The following PTPRG variants were observed in gnomAD, a reference collection of about 807,000 sequenced individuals.
The protein encoded by PTPRG is receptor-type tyrosine-protein phosphatase gamma.
Under a neutral mutation model 165.3 loss-of-function variants are expected in PTPRG, and 102 were observed. The ratio of observed to expected loss-of-function variants is 0.62; its 90% CI spans 0.53 to 0.73. PTPRG has a LOEUF of 0.73. Among genes scored for constraint, PTPRG ranks in the 30% least tolerant of loss-of-function variants. The probability of loss-of-function intolerance (pLI) is 0.00; values close to 1 mark genes in which losing one functional copy is unlikely to be tolerated. For synonymous variants in PTPRG, 675 were observed against 669.5 expected (o/e 1.01, Z -0.13); for missense variants, 1,866 against 1,861.4 (o/e 1.00, Z -0.05).
intron 2 of PTPRG, among the ~76,000 whole-genome samples, chr3:61,950,133 T>C (rs1442632682): frequency 6.6e-6 from 1 of 152,236 alleles, no homozygotes; most frequent in African/African-American, 2.4e-5. Flanking sequence ...TATAAAGTTT[T>C]AAAATACTTT....
At chr3:61,980,872 TC>T (rs1349769277) in intron 2 of PTPRG, among the ~76,000 whole-genome samples, 4 of 152,196 alleles carry the variant, frequency 2.6e-5, no homozygotes, top group African/African-American at 9.7e-5. Flanking sequence ...CCTTCCTTCT[TC>T]ATTCACATTC....
chr3:61,921,416 C>T (rs2039076280), intron 2 of PTPRG, among the ~76,000 whole-genome samples: 1 of 151,948 alleles, frequency 6.6e-6, no homozygotes, highest in Admixed American at 6.6e-5. Context: ...TGGTGAGTGA[C>T]ATTACAGGTT....
intron 1 of PTPRG, among the ~76,000 whole-genome samples, chr3:61,746,208 A>AATT (rs2033196249): frequency 1.2e-5 from 1 of 81,326 alleles, no homozygotes; most frequent in Non-Finnish European, 2.2e-5. Flanking sequence ...ACACACTCTA[A>AATT]TTTTTTTTTT....
intron 2 of PTPRG, among the ~76,000 whole-genome samples, chr3:61,802,633 C>G (rs952678651): frequency 7.2e-5 from 11 of 152,138 alleles, no homozygotes; most frequent in African/African-American, 2.2e-4. Context: ...TCCATTCTTT[C>G]ATTCTCAAAA....
intron 1 of PTPRG, among the ~76,000 whole-genome samples, chr3:61,701,050 G>A (rs1402678133): frequency 6.6e-6 from 1 of 152,076 alleles, no homozygotes; most frequent in Non-Finnish European, 1.5e-5. Context: ...CTATGCAGTG[G>A]GAGCTTTAAT....
chr3:61,725,383 G>A (rs2032214709), intron 1 of PTPRG, among the ~76,000 whole-genome samples: 1 of 152,106 alleles, frequency 6.6e-6, no homozygotes, highest in African/African-American at 2.4e-5. Flanking sequence ...CTCCCAAAGT[G>A]TGAGATACAC....
chr3:61,823,283 C>G (rs1027850373), intron 2 of PTPRG, among the ~76,000 whole-genome samples: 1 of 152,142 alleles, frequency 6.6e-6, no homozygotes, highest in South Asian at 2.1e-4. Context: ...CTCTACCTCC[C>G]GGGTTCAAGG....
At chr3:61,857,653 C>G (rs764845982) in intron 2 of PTPRG, among the ~76,000 whole-genome samples, 7 of 152,172 alleles carry the variant, frequency 4.6e-5, no homozygotes, top group Non-Finnish European at 5.9e-5. Flanking sequence ...TTGAGACTAC[C>G]TGACCAACAT....
In PTPRG at chr3:62,229,430, A is replaced by G. The variant is rs1302352773; in HGVS notation, c.2289-1795A>G. 6.6e-6 allele frequency among the ~76,000 whole-genome samples: 1 copy of G among 152,238 alleles called. No individual in the cohort carries two copies. Among genetic ancestry groups the G allele is most frequent in the African/African-American group, 2.4e-5 (1 of 41,460 alleles). ...GCTGTCGAATTGGCCCTGAGATGCC[A>G]GTGGAAGCTCTTGGAACAAGCTAAC... On this transcript the variant is annotated intron_variant, in intron 13 of 29. Coordinates refer to ENST00000474889, the MANE Select transcript of PTPRG (RefSeq NM_002841.4). The surrounding 1 kb of genome is among the most constrained non-coding windows in gnomAD (Gnocchi z 4.6).
At chr3:61,595,445 G>T (rs188256811) in intron 1 of PTPRG, among the ~76,000 whole-genome samples, 55 of 152,298 alleles carry the variant, frequency 3.6e-4, no homozygotes, top group African/African-American at 1.3e-3. Context: ...CTCCAAGATG[G>T]GTCAGCAGTG....
chr3:61,597,842 C>G (rs1446673687), intron 1 of PTPRG, among the ~76,000 whole-genome samples: 1 of 152,142 alleles, frequency 6.6e-6, no homozygotes, highest in Non-Finnish European at 1.5e-5. Context: ...GGACATTTTA[C>G]TAATAAGAAA....
intron 1 of PTPRG, among the ~76,000 whole-genome samples, chr3:61,644,888 A>G (rs1314254471): frequency 1.3e-5 from 2 of 152,222 alleles, no homozygotes; most frequent in Non-Finnish European, 2.9e-5. Flanking sequence ...GTCAAATCCA[A>G]CAAGAAAAGA....
At chr3:61,754,436 A>G (rs533947940) in intron 2 of PTPRG, among the ~76,000 whole-genome samples, 2 of 152,082 alleles carry the variant, frequency 1.3e-5, no homozygotes, top group Non-Finnish European at 2.9e-5. Flanking sequence ...TATAACATGC[A>G]TGTGTGTGTC....
intron 1 of PTPRG, among the ~76,000 whole-genome samples, chr3:61,577,459 G>C (rs1700194909): frequency 6.6e-6 from 1 of 152,136 alleles, no homozygotes; most frequent in South Asian, 2.1e-4. Context: ...TCTAAATTGA[G>C]ATGTGCTTCA....
intron 1 of PTPRG, among the ~76,000 whole-genome samples, chr3:61,590,799 C>T (rs1445371441): frequency 6.6e-6 from 1 of 151,964 alleles, no homozygotes; most frequent in Non-Finnish European, 1.5e-5. Flanking sequence ...TTTTTAGTTA[C>T]AGTATAGTAT....
At chr3:61,789,762 C>T (rs1169689995) in intron 2 of PTPRG, among the ~76,000 whole-genome samples, 1 of 152,180 alleles carries the variant, frequency 6.6e-6, no homozygotes, top group African/African-American at 2.4e-5. Flanking sequence ...AGTTTATTCA[C>T]AGGTAATGAT....
At chr3:62,104,784 A>G (rs1285820058) in intron 5 of PTPRG, among the ~76,000 whole-genome samples, 1 of 152,216 alleles carries the variant, frequency 6.6e-6, no homozygotes, top group South Asian at 2.1e-4. Context: ...GCTGGAACTG[A>G]TGGTCTGCAA....
At chr3:62,103,788 C>G (rs1001329338) in intron 5 of PTPRG, among the ~76,000 whole-genome samples, 3 of 152,150 alleles carry the variant, frequency 2.0e-5, no homozygotes, top group African/African-American at 4.8e-5. Context: ...AGTGGGTAGC[C>G]TAGAAACTCC....
chr3:62,204,717 A>G (rs1700183645), intron 12 of PTPRG, among the ~76,000 whole-genome samples: 1 of 152,192 alleles, frequency 6.6e-6, no homozygotes, highest in Non-Finnish European at 1.5e-5. Context: ...TCCTTGCCCA[A>G]GAAATACGGC....
Sources: allele counts gnomAD v4.1 joint callset (sites outside exome capture counted in the v4.1 genomes callset), GRCh38; gene constraint gnomAD v4.1.1; non-coding constraint Gnocchi (gnomAD v3.1); transcripts MANE v1.5; gene names NCBI Gene and HGNC (gene_info 2026-07-23, HGNC 2026-07-21).